The following VWC2 variants were observed in gnomAD, a reference collection of about 807,000 sequenced individuals.
VWC2 encodes von Willebrand factor C domain containing 2.
A neutral mutation model predicts 29.8 loss-of-function variants in VWC2; 14 were observed. The ratio of observed to expected loss-of-function variants is 0.47; its 90% CI spans 0.31 to 0.74. The LOEUF is 0.74. VWC2 is among the 30% of genes least tolerant of loss of function. VWC2 has a pLI of 0.05. For missense variants in VWC2, 457 were observed against 459.8 expected, an observed-to-expected ratio of 0.99 and a Z score of 0.05; for synonymous variants, 213 against 199.0, an observed-to-expected ratio of 1.07 and a Z score of -0.59.
rs1794024392 is a variant in VWC2, at chr7:49,921,680, T to A, written c.*9495T>A. On this transcript the variant is annotated 3_prime_UTR_variant, in exon 4 of 4. Transcript: ENST00000340652. ...GTGTTTATAACATAATACATTGGAA[T>A]ATGAGACTTGAACATTTTGAAGATT... 6.6e-6 allele frequency: 1 copy of A among 152,234 alleles called. No homozygotes were observed. The highest frequency in any genetic ancestry group is 2.1e-4 in the South Asian group (1 of 4,832). 9.4% of individuals were successfully genotyped at this position (152,234 alleles called of 1,614,324 possible). A position where few individuals can be genotyped will look rare whatever the true frequency, so the allele number is the denominator to read the frequency against.
At chr7:49,834,844 A>C (rs1789620354) in intron 3 of VWC2, among the ~76,000 whole-genome samples, 1 of 152,202 alleles carries the variant, frequency 6.6e-6, no homozygotes, top group South Asian at 2.1e-4. Context: ...CTTGTGAGTC[A>C]GAAGACCTGG....
intron 2 of VWC2, among the ~76,000 whole-genome samples, chr7:49,780,434 CA>C (rs934727295): frequency 5.3e-5 from 8 of 152,128 alleles, no homozygotes; most frequent in Admixed American, 4.6e-4. Flanking sequence ...GAAAAAAAAT[CA>C]TTCTATTTTG....
chr7:49,816,676 C>A (rs2128708482), intron 3 of VWC2, among the ~76,000 whole-genome samples: 1 of 152,294 alleles, frequency 6.6e-6, no homozygotes, highest in South Asian at 2.1e-4. Context: ...ACAGGAAAAT[C>A]TGTGAGTTAA....
intron 3 of VWC2, among the ~76,000 whole-genome samples, chr7:49,887,086 A>G (rs568465921): frequency 6.6e-6 from 1 of 152,338 alleles, no homozygotes; most frequent in African/African-American, 2.4e-5. Flanking sequence ...CATGAACATT[A>G]AACTACTTGA....
chr7:49,855,200 C>CT (rs1374201842), intron 3 of VWC2, among the ~76,000 whole-genome samples: 1 of 152,208 alleles, frequency 6.6e-6, no homozygotes, highest in East Asian at 1.9e-4. Context: ...AAAGGCAAAT[C>CT]TTTCTTTTTC....
At chr7:49,835,028 G>A (rs1789625705) in intron 3 of VWC2, among the ~76,000 whole-genome samples, 1 of 152,214 alleles carries the variant, frequency 6.6e-6, no homozygotes, top group Non-Finnish European at 1.5e-5. Context: ...GTTGCCTTGG[G>A]GAGTGCTCCT....
intron 3 of VWC2, among the ~76,000 whole-genome samples, chr7:49,877,481 A>AAAAAAATATACATATATACATATATATAT: frequency 7.9e-5 from 1 of 12,722 alleles, no homozygotes; most frequent in Non-Finnish European, 1.4e-4. Context: ...AAAAAAAAAA[A>AAAAAAATATACATATATACATATATATAT]ATATATATAT....
chr7:49,817,777 T>C lies in VWC2; in HGVS notation c.826+14937T>C, dbSNP rs199579164. On this transcript the variant is annotated intron_variant, in intron 3 of 3. Coordinates refer to ENST00000340652, the MANE Select transcript of VWC2 (RefSeq NM_198570.5). ...TTTGCCAATCCTGACAGCTGCAAACTGAATTTATCTTTAATCACACATTCA... is the reference window on the plus strand; with the variant it reads ...TTTGCCAATCCTGACAGCTGCAAACCGAATTTATCTTTAATCACACATTCA... 2.6e-5 allele frequency among the ~76,000 whole-genome samples: 4 copies of C among 152,364 alleles called. No homozygotes were observed. The East Asian group carries it at 7.7e-4, about 29-fold the overall frequency.
At chr7:49,832,515 G>A (rs1180548946) in intron 3 of VWC2, among the ~76,000 whole-genome samples, 8 of 152,194 alleles carry the variant, frequency 5.3e-5, no homozygotes, top group Non-Finnish European at 1.0e-4. Flanking sequence ...AACAAAAAGT[G>A]TATTGGTCAT....
chr7:49,898,327 A>G lies in VWC2; in HGVS notation c.827-13707A>G, dbSNP rs1459847659. On this transcript the variant is annotated intron_variant, in intron 3 of 3. Coordinates refer to ENST00000340652, the MANE Select transcript of VWC2 (RefSeq NM_198570.5). ...AAAACATCGAAGTTTTTTTTTTTAA[A>G]AAAACCTTCACTTATTCTTTCTATG... 3.9e-5 allele frequency among the ~76,000 whole-genome samples: 6 copies of G among 152,066 alleles called. No individual in the cohort carries two copies. The East Asian group carries it at 1.2e-3, about 29-fold the overall frequency.
intron 2 of VWC2, among the ~76,000 whole-genome samples, chr7:49,797,951 T>A (rs1000401190): frequency 2.6e-5 from 4 of 152,336 alleles, no homozygotes; most frequent in Non-Finnish European, 4.4e-5. Flanking sequence ...AGGTGGTGAT[T>A]TGCTAATAAG....
chr7:49,843,312 A>G (rs192968453), intron 3 of VWC2, among the ~76,000 whole-genome samples: 104 of 152,244 alleles, frequency 6.8e-4, no homozygotes, highest in Non-Finnish European at 1.3e-3. Context: ...TGATGGCTCC[A>G]GGAACATAAA....
intron 3 of VWC2, among the ~76,000 whole-genome samples, chr7:49,832,572 A>T (rs576872788): frequency 6.6e-6 from 1 of 152,146 alleles, no homozygotes. Context: ...GAACTTCCTT[A>T]TTGTGCTGAA....
intron 3 of VWC2, among the ~76,000 whole-genome samples, 199 bp downstream of exon 3, chr7:49,803,039 C>T (rs1269170551): frequency 3.3e-5 from 5 of 152,196 alleles, no homozygotes; most frequent in Admixed American, 3.3e-4. Flanking sequence ...GCATCAGCAC[C>T]ATGTTTTATG....
At chr7:49,906,336 A>T (rs1266859987) in intron 3 of VWC2, among the ~76,000 whole-genome samples, 2 of 151,906 alleles carry the variant, frequency 1.3e-5, no homozygotes, top group African/African-American at 4.8e-5. Flanking sequence ...ACTGTCAAAA[A>T]TTTTCTCTTT....
At chr7:49,816,289 T>G (rs1789140905) in intron 3 of VWC2, among the ~76,000 whole-genome samples, 1 of 152,204 alleles carries the variant, frequency 6.6e-6, no homozygotes, top group Non-Finnish European at 1.5e-5. Context: ...CAAATACATT[T>G]GACCTCCTGA....
chr7:49,779,674 A>T (rs1438502500), intron 2 of VWC2, among the ~76,000 whole-genome samples: 1 of 152,194 alleles, frequency 6.6e-6, no homozygotes, highest in Admixed American at 6.5e-5. Context: ...GAGCAAAGTA[A>T]CACAGACTGG....
intron 3 of VWC2, among the ~76,000 whole-genome samples, chr7:49,815,395 G>A (rs1398774487): frequency 1.3e-5 from 2 of 152,084 alleles, no homozygotes; most frequent in African/African-American, 2.4e-5. Context: ...TGACATCTTA[G>A]GATATTTTAT....
rs115596549 is a variant in VWC2, at chr7:49,838,507, G to A, written c.826+35667G>A. On this transcript the variant is annotated intron_variant, in intron 3 of 3. Coordinates refer to ENST00000340652, the MANE Select transcript of VWC2 (RefSeq NM_198570.5). ...GGAGGATGGGAGCCGGGAGGCTGCC[G>A]TGCTGAGGATGTGAGTGCTCACAGC... Among the ~76,000 whole-genome samples, 290 of 151,922 alleles carry A rather than the reference G, an allele frequency of 1.9e-3. 1 individual carries two copies. The highest frequency in any genetic ancestry group is 6.7e-3 in the African/African-American group (276 of 41,460).
Sources: allele counts gnomAD v4.1 joint callset (sites outside exome capture counted in the v4.1 genomes callset), GRCh38; gene constraint gnomAD v4.1.1; transcripts MANE v1.5; gene names NCBI Gene and HGNC (gene_info 2026-07-23, HGNC 2026-07-21).